CEP170: variants seen among roughly 807,000 people sequenced by gnomAD.
CEP170 encodes centrosomal protein 170, also known as centrosomal protein of 170 kDa.
Under a neutral mutation model 151.9 loss-of-function variants are expected in CEP170, and 21 were observed. The ratio of observed to expected loss-of-function variants is 0.14; its 90% confidence interval spans 0.10 to 0.20. The LOEUF is 0.20. CEP170 is among the 10% of genes least tolerant of loss of function. CEP170 has a pLI of 1.00. For missense variants in CEP170, 964 were observed against 1,892.9 expected, an observed-to-expected ratio of 0.51 and a Z score of 9.11; for synonymous variants, 356 against 648.8, an observed-to-expected ratio of 0.55 and a Z score of 6.86.
intron 9 of CEP170, 61 bp from the exon 10 acceptor site, chr1:243,186,133 T>C: frequency 1.9e-6 from 3 of 1,613,416 alleles, no homozygotes; most frequent in Non-Finnish European, 2.5e-6. Context: ...TCTCAAGTTT[T>C]GTATGTGGTG....
chr1:243,252,987 T>G (rs1354474602), intron 1 of CEP170: 1 of 152,182 alleles, frequency 6.6e-6, no homozygotes, highest in African/African-American at 2.4e-5. Context: ...TGTGGCAAAA[T>G]AAACATCATA....
intron 6 of CEP170, 130 bp downstream of exon 6, chr1:243,200,388 T>G (rs530792611): frequency 9.4e-5 from 85 of 908,688 alleles, no homozygotes; most frequent in Non-Finnish European, 1.4e-4. Context: ...CTGGTAGCAT[T>G]AAAACACACT....
chr1:243,221,025 C>T (rs2062752428), intron 3 of CEP170, among the ~76,000 whole-genome samples: 1 of 150,788 alleles, frequency 6.6e-6, no homozygotes, highest in African/African-American at 2.5e-5. Flanking sequence ...TCTTTCTTTT[C>T]TTTTCTTTTT....
At chr1:243,207,135 C>T (rs1420943563) in intron 4 of CEP170, among the ~76,000 whole-genome samples, 2 of 151,962 alleles carry the variant, frequency 1.3e-5, no homozygotes, top group Non-Finnish European at 2.9e-5. Flanking sequence ...TAAAAATTAT[C>T]GTATCAGATA....
chr1:243,145,298 T>C (rs558774980), intron 14 of CEP170, among the ~76,000 whole-genome samples: 10 of 152,308 alleles, frequency 6.6e-5, no homozygotes, highest in Admixed American at 1.3e-4. Context: ...TTTTTTGAGG[T>C]GGACTCTCAC....
chr1:243,207,854 C>T (rs1311400584), intron 4 of CEP170, among the ~76,000 whole-genome samples: 1 of 149,722 alleles, frequency 6.7e-6, no homozygotes, highest in East Asian at 2.0e-4. Flanking sequence ...GCTCTAAACA[C>T]CAGTATTAGA....
intron 1 of CEP170, among the ~76,000 whole-genome samples, chr1:243,233,743 T>A (rs67879522): frequency 0.55 from 69,138 of 124,950 alleles, 20,382 homozygotes; most frequent in East Asian, 0.72. Context: ...AAAAAAAAAA[T>A]ATATATATAT....
chr1:243,205,678 G>A (rs2061368747), intron 4 of CEP170, among the ~76,000 whole-genome samples: 1 of 152,098 alleles, frequency 6.6e-6, no homozygotes, highest in African/African-American at 2.4e-5. Context: ...TATTCCAGAA[G>A]AATGCTCAAA....
At chr1:243,210,608 A>T (rs1470949079) in intron 4 of CEP170, among the ~76,000 whole-genome samples, 20 of 67,956 alleles carry the variant, frequency 2.9e-4, no homozygotes, top group East Asian at 5.0e-4. Flanking sequence ...ATTTTTCGTA[A>T]TTTTTTTTTT....
At chr1:243,221,214 G>C (rs924551516) in intron 3 of CEP170, among the ~76,000 whole-genome samples, 6 of 152,072 alleles carry the variant, frequency 3.9e-5, no homozygotes, top group Non-Finnish European at 8.8e-5. Context: ...TTAGTAGAGA[G>C]GGGGTTCACC....
chr1:243,219,032 T>G (rs979290378), intron 3 of CEP170, among the ~76,000 whole-genome samples: 2 of 152,346 alleles, frequency 1.3e-5, no homozygotes, highest in South Asian at 4.1e-4. Flanking sequence ...CAAGTTCTCT[T>G]ATGACTAAAA....
chr1:243,157,535 T>C (rs893139923), intron 13 of CEP170, among the ~76,000 whole-genome samples: 2 of 152,228 alleles, frequency 1.3e-5, no homozygotes, highest in Non-Finnish European at 2.9e-5. Context: ...AATTCCTGGA[T>C]GTAAACATTT....
intron 14 of CEP170, among the ~76,000 whole-genome samples, chr1:243,143,106 A>C (rs1466069448): frequency 6.6e-6 from 1 of 152,200 alleles, no homozygotes; most frequent in African/African-American, 2.4e-5. Context: ...ATTTCAATAT[A>C]ATTGGATTTC....
chr1:243,163,715 C>T lies in CEP170; in HGVS notation c.3676+569G>A, dbSNP rs548919158. On this transcript the variant is annotated intron_variant, in intron 13 of 19. Coordinates refer to ENST00000366542, the MANE Select transcript of CEP170 (RefSeq NM_014812.3). ...AAATTAAGGTTAGTTTTCACCTGCT[C>T]CAACTATAAACAGATTTAACTTTAA... Among the ~76,000 whole-genome samples the T allele has an allele frequency of 5.3e-5, 8 of 152,170 alleles. No individual in the cohort carries two copies. The East Asian group carries it at 1.5e-3, about 29-fold the overall frequency.
intron 3 of CEP170, among the ~76,000 whole-genome samples, chr1:243,219,459 T>C (rs940147621): frequency 6.6e-6 from 1 of 152,238 alleles, no homozygotes; most frequent in Non-Finnish European, 1.5e-5. Flanking sequence ...TCGCTCTCCA[T>C]GAGTTAGTAT....
rs951756603 is a variant in CEP170 at position 243,206,257 on chromosome 1, C to T, written c.275-5422G>A. On this transcript the variant is annotated intron_variant, in intron 4 of 19. Transcript: ENST00000366542. ...CAAGAGATTCTCCTGCCTCAGCATC[C>T]GGAGTAGCTGGGATTACAGGTGTGT... Among the ~76,000 whole-genome samples, 15 of 152,234 alleles carry T rather than the reference C, an allele frequency of 9.9e-5. No individual in the cohort carries two copies. The South Asian group carries it at 1.7e-3, about 17-fold the overall frequency.
In CEP170 at chr1:243,174,179, T is replaced by TA. The variant is rs559200262; in HGVS notation, c.1567-1334dup. ...TCTTTTATGGGCAGGACCTGAGTCTTACTCATTTCCTGGCACATAATAGGC... is the reference window on the plus strand; with the variant it reads ...TCTTTTATGGGCAGGACCTGAGTCTTAACTCATTTCCTGGCACATAATAGGC... On this transcript the variant is annotated intron_variant, in intron 10 of 19. Transcript: ENST00000366542. 6.8e-3 allele frequency among the ~76,000 whole-genome samples: 1,027 copies of TA among 152,026 alleles called. 14 individuals are homozygous for TA. The highest frequency in any genetic ancestry group is 0.024 in the African/African-American group (975 of 41,442).
intron 3 of CEP170, among the ~76,000 whole-genome samples, chr1:243,213,539 ACT>A (rs1445491235): frequency 3.3e-5 from 5 of 152,146 alleles, no homozygotes; most frequent in African/African-American, 9.7e-5. Context: ...AAATTATCAG[ACT>A]CTGTGTCTTC....
chr1:243,159,763 T>TGTGTGTGTGTGTG lies in CEP170; in HGVS notation c.3677-3309_3677-3308insCACACACACACAC, dbSNP rs2057892319. Among the ~76,000 whole-genome samples the TGTGTGTGTGTGTG allele has an allele frequency of 1.1e-4, 14 of 127,164 alleles. No individual in the cohort carries two copies. The East Asian group carries it at 2.4e-3, about 21-fold the overall frequency. 83.4% of individuals were successfully genotyped at this position (127,164 alleles called of 152,430 possible). A position where few individuals can be genotyped will look rare whatever the true frequency, so the allele number is the denominator to read the frequency against. On this transcript the variant is annotated intron_variant, in intron 13 of 19. Transcript: ENST00000366542. ...ACATTCTACATTTTTGTTTCCGGTT[T>TGTGTGTGTGTGTG]TGTGTGTGTGTGTGTGTGTGTGTGT...
Sources: gnomAD v4.1 joint callset for allele counts (sites outside exome capture counted in the v4.1 genomes callset) on GRCh38, gnomAD v4.1.1 for gene constraint, MANE v1.5 for transcripts, NCBI Gene and HGNC (gene_info 2026-07-23, HGNC 2026-07-21) for gene names.